Variants in CKAP5 observed in about 807,000 individuals in gnomAD.
CKAP5 encodes cytoskeleton-associated protein 5.
CKAP5 carries 27 observed loss-of-function variants against 232.8 expected under a neutral mutation model. The ratio of observed to expected loss-of-function variants is 0.12; its 90% CI spans 0.09 to 0.16. The LOEUF is 0.16. Among genes scored for constraint, CKAP5 ranks in the 10% least tolerant of loss-of-function variants. The probability of loss-of-function intolerance (pLI) is 1.00; values close to 1 mark genes in which losing one functional copy is unlikely to be tolerated. For missense variants in CKAP5, 1,838 were observed against 2,424.7 expected (o/e 0.76, Z 5.08); for synonymous variants, 785 against 841.1 (o/e 0.93, Z 1.16).
intron 1 of CKAP5, among the ~76,000 whole-genome samples, chr11:46,835,546 C>T (rs1433215433): frequency 6.6e-6 from 1 of 151,900 alleles, no homozygotes; most frequent in Non-Finnish European, 1.5e-5. Flanking sequence ...AAAAGAGCTC[C>T]CAACAGTCAA....
At chr11:46,835,351 G>A (rs1002784013) in intron 1 of CKAP5, among the ~76,000 whole-genome samples, 6 of 151,742 alleles carry the variant, frequency 4.0e-5, no homozygotes, top group East Asian at 1.9e-4. Context: ...TCCAGATCTC[G>A]GTTTCTAAAT....
chr11:46,774,487 A>G (rs969906076), intron 24 of CKAP5, among the ~76,000 whole-genome samples: 8 of 152,226 alleles, frequency 5.3e-5, no homozygotes, highest in Non-Finnish European at 7.3e-5. Context: ...AGAAAAAACT[A>G]CTTTAAATTT....
chr11:46,770,753 C>T (rs1187311205), intron 25 of CKAP5, 35 bp downstream of exon 25: 3 of 1,586,688 alleles, frequency 1.9e-6, no homozygotes, highest in Non-Finnish European at 2.6e-6. Flanking sequence ...TTTTTAATAG[C>T]TTTTAACAGC....
At chr11:46,816,168 C>T (rs1285630692) in intron 4 of CKAP5, 30 bp downstream of exon 4, 2 of 1,580,634 alleles carry the variant, frequency 1.3e-6, no homozygotes, top group Non-Finnish European at 1.7e-6. Flanking sequence ...GACTGCTGCT[C>T]TAGTTAACAA....
At position 46,807,998 on chromosome 11, in the gene CKAP5, T is replaced by TAC. The variant is rs1939194688; in HGVS notation, c.978+31_978+32dup. The TAC allele has an allele frequency of 3.4e-6, 5 of 1,481,504 alleles. No homozygotes were observed. The South Asian group carries it at 5.8e-5, about 17-fold the overall frequency. The allele number at this position is 1,481,504 out of a possible 1,614,324, so 91.8% of individuals were successfully genotyped here. On this transcript the variant is annotated intron_variant, in intron 8 of 43. Transcript: ENST00000529230. ...AGAAATTCAAAGGCCTGATGGCTGT[T>TAC]ACAATACCAGTACTGCAAGTCCTCA...
chr11:46,762,501 T>G, intron 31 of CKAP5, 126 bp downstream of exon 31: 1 of 1,186,942 alleles, frequency 8.4e-7, no homozygotes, highest in Non-Finnish European at 1.3e-6. Context: ...ACTCTCACAG[T>G]CTAAATCAGG....
chr11:46,748,756 G>A (rs2065040646), intron 42 of CKAP5, among the ~76,000 whole-genome samples: 2 of 152,046 alleles, frequency 1.3e-5, no homozygotes, highest in Non-Finnish European at 2.9e-5. Flanking sequence ...GCAACAGAGC[G>A]AGACTGTCTC....
At chr11:46,842,710 G>A (rs1389643940) in intron 1 of CKAP5, among the ~76,000 whole-genome samples, 3 of 152,074 alleles carry the variant, frequency 2.0e-5, no homozygotes, top group South Asian at 2.1e-4. Context: ...GCTCACGCCT[G>A]TAATCCCAGC....
intron 14 of CKAP5, 24 bp from the exon 15 acceptor site, chr11:46,790,210 G>A (rs755414200): frequency 9.5e-6 from 14 of 1,479,516 alleles, no homozygotes; most frequent in Non-Finnish European, 1.3e-5. Flanking sequence ...AAACATATTA[G>A]AATTAGGAAT....
At chr11:46,753,127 T>C (rs932316637) in intron 37 of CKAP5, 183 bp downstream of exon 37, 1 of 500,526 alleles carries the variant, frequency 2.0e-6, no homozygotes, top group Middle Eastern at 2.9e-4. Context: ...ATCAACTTCC[T>C]AGGCACACTT....
At chr11:46,823,275 A>G (rs1479824672) in intron 1 of CKAP5, among the ~76,000 whole-genome samples, 1 of 152,178 alleles carries the variant, frequency 6.6e-6, no homozygotes, top group Non-Finnish European at 1.5e-5. Context: ...CCTTTTTCTT[A>G]TAAAAGTAAT....
intron 13 of CKAP5, among the ~76,000 whole-genome samples, chr11:46,791,003 G>T (rs143057561): frequency 9.9e-5 from 15 of 152,122 alleles, no homozygotes; most frequent in African/African-American, 3.4e-4. Flanking sequence ...TTAAAAATTT[G>T]ATTAAAATGA....
At chr11:46,776,421 TAC>T (rs1201298527) in intron 23 of CKAP5, 38 bp from the exon 24 acceptor site, 2 of 1,576,608 alleles carry the variant, frequency 1.3e-6, no homozygotes, top group African/African-American at 1.4e-5. Flanking sequence ...TAATATCTAC[TAC>T]AGTTTGGAGG....
chr11:46,823,139 T>C (rs1939580800), intron 1 of CKAP5, among the ~76,000 whole-genome samples: 1 of 151,998 alleles, frequency 6.6e-6, no homozygotes, highest in African/African-American at 2.4e-5. Context: ...CTCGGCTAAT[T>C]TTGAAATTTT....
Position 46,776,283 on chromosome 11 carries a change from T to C in CKAP5, c.2963A>G (p.Lys988Arg), listed in dbSNP as rs2065290366. The change falls in exon 24 of 44, where the codon AAA becomes AGA. Residue 988 changes from lysine to arginine, a missense_variant. Around this residue, in one of 6 missense-constraint regions of CKAP5, gnomAD observed 767 missense variants for 954.6 expected, o/e 0.80. Coordinates refer to ENST00000529230, the MANE Select transcript of CKAP5 (RefSeq NM_001008938.4). ...LEGEDLSEELKKENPFLRQEL... is the reference protein window; with the variant it reads ...LEGEDLSEELRKENPFLRQEL... ...TTGCCTCAAGAAAGGATTTTCCTTT[T>C]TGAGCTCTTCAGAAAGATCTTCTCC... 6.2e-6 allele frequency: 10 copies of C among 1,613,886 alleles called. No individual in the cohort carries two copies. The highest frequency in any genetic ancestry group is 4.5e-5 in the East Asian group (2 of 44,870).
At chr11:46,772,177 T>C (rs529314107) in intron 24 of CKAP5, among the ~76,000 whole-genome samples, 139 of 152,146 alleles carry the variant, frequency 9.1e-4, no homozygotes, top group Admixed American at 2.0e-3. Flanking sequence ...TACTGTTGAG[T>C]TTTCAGAGTT....
At chr11:46,765,464 T>C (rs1314508095) in intron 27 of CKAP5, among the ~76,000 whole-genome samples, 1 of 152,238 alleles carries the variant, frequency 6.6e-6, no homozygotes, top group Non-Finnish European at 1.5e-5. Flanking sequence ...AAGTAACTGT[T>C]GGTTAGTTCT....
intron 35 of CKAP5, among the ~76,000 whole-genome samples, chr11:46,757,450 C>T (rs2065119045): frequency 6.6e-6 from 1 of 151,672 alleles, no homozygotes; most frequent in Non-Finnish European, 1.5e-5. Context: ...CTGAAATCGC[C>T]CCACTGCACT....
In CKAP5 at chr11:46,783,338, G is replaced by C; in HGVS notation, c.2185C>G (p.Pro729Ala). 1.9e-6 allele frequency: 3 copies of C among 1,611,784 alleles called. No individual in the cohort carries two copies. Among genetic ancestry groups the C allele is most frequent in the Non-Finnish European group, 2.5e-6 (3 of 1,178,944 alleles). Reference protein sequence around the residue: ...VVSMAFSQKNPKNQSETLNWL... With the variant: ...VVSMAFSQKNAKNQSETLNWL... ...TTCAGAGTTTCTGACTGATTTTTGG[G>C]ATTCTTTTGTGAGAAAGCCATTGAC... Residue 729 changes from proline (P) to alanine (A), a missense_variant, in exon 18 of 44, where the codon CCC (proline) becomes GCC (alanine). By Grantham distance (27) the Pro-to-Ala change is conservative. Around this residue, in one of 6 missense-constraint regions of CKAP5, gnomAD observed 767 missense variants for 954.6 expected, o/e 0.80. Transcript: ENST00000529230.
Sources: allele counts gnomAD v4.1 joint callset (sites outside exome capture counted in the v4.1 genomes callset), GRCh38; gene constraint gnomAD v4.1.1; regional missense constraint gnomAD v4.1.1; transcripts MANE v1.5; gene names NCBI Gene and HGNC (gene_info 2026-07-23, HGNC 2026-07-21).